Variants in SUCLG2 observed in about 807,000 individuals in gnomAD.
SUCLG2 encodes the protein succinate-CoA ligase GDP-forming subunit beta.
Under a neutral mutation model 47.9 loss-of-function variants are expected in SUCLG2, and 42 were observed. The ratio of observed to expected loss-of-function variants is 0.88; its 90% confidence interval spans 0.69 to 1.14. SUCLG2 has a LOEUF of 1.14. Ranked by LOEUF, SUCLG2 falls within the 50% of genes most tolerant of loss-of-function variation. The pLI is 0.00. For synonymous variants in SUCLG2, 195 were observed against 197.3 expected (o/e 0.99, Z 0.10); for missense variants, 571 against 525.9 (o/e 1.09, Z -0.84).
chr3:67,419,967 C>A (rs564023306), intron 9 of SUCLG2, among the ~76,000 whole-genome samples: 2 of 152,108 alleles, frequency 1.3e-5, no homozygotes, highest in Non-Finnish European at 1.5e-5. Flanking sequence ...GCAAGGAAGG[C>A]AGGGATGGTT....
At chr3:67,539,170 A>T (rs1287708510) in intron 2 of SUCLG2, among the ~76,000 whole-genome samples, 1 of 152,200 alleles carries the variant, frequency 6.6e-6, no homozygotes, top group Non-Finnish European at 1.5e-5. Flanking sequence ...GCTTTTGCCC[A>T]TTCAATATGA....
intron 9 of SUCLG2, among the ~76,000 whole-genome samples, chr3:67,462,028 T>C (rs1704349783): frequency 1.3e-5 from 2 of 152,108 alleles, no homozygotes; most frequent in Admixed American, 1.3e-4. Context: ...GAAATGGGGA[T>C]TGTGGTATTA....
chr3:67,422,557 A>AGATGTG (rs1472866614), intron 9 of SUCLG2, among the ~76,000 whole-genome samples: 6 of 147,752 alleles, frequency 4.1e-5, no homozygotes, highest in Non-Finnish European at 8.9e-5. Context: ...AACTGTGTTG[A>AGATGTG]GATGTGGAGA....
intron 9 of SUCLG2, among the ~76,000 whole-genome samples, chr3:67,434,223 A>G (rs1436006228): frequency 2.6e-5 from 4 of 152,204 alleles, no homozygotes; most frequent in African/African-American, 4.8e-5. Flanking sequence ...TGCTGCTAAA[A>G]TAAGTTCAAT....
At chr3:67,382,816 GT>G (rs368413933) in intron 10 of SUCLG2, among the ~76,000 whole-genome samples, 424 of 152,210 alleles carry the variant, frequency 2.8e-3, no homozygotes, top group African/African-American at 9.6e-3. Flanking sequence ...AAGTAACTGA[GT>G]TTTTTTCTCC....
In SUCLG2 at chr3:67,498,216, T is replaced by C. The variant is rs375502051; in HGVS notation, c.837A>G (p.Lys279=). The C allele has an allele frequency of 2.1e-5, 34 of 1,613,924 alleles. No individual in the cohort carries two copies. The African/African-American group carries it at 3.5e-4, about 16-fold the overall frequency. The change falls in exon 8 of 11, where the codon AAA becomes AAG. Residue 279 remains lysine (K), a synonymous_variant. Transcript: ENST00000307227. ...CATTTTCAATGGGCTCATTCTCTGATTTGTCGTCCATAGCAAATATGTCTT... is the reference window on the plus strand; with the variant it reads ...CATTTTCAATGGGCTCATTCTCTGACTTGTCGTCCATAGCAAATATGTCTT... ...RQKDIFAMDD[K]SENEPIENEA...
intron 2 of SUCLG2, among the ~76,000 whole-genome samples, chr3:67,541,991 C>T (rs1575765565): frequency 2.0e-5 from 3 of 152,138 alleles, no homozygotes; most frequent in Admixed American, 2.0e-4. Flanking sequence ...GCCTCAGCCT[C>T]CCAAGTAGCT....
At chr3:67,434,616 C>G (rs1703570909) in intron 9 of SUCLG2, among the ~76,000 whole-genome samples, 1 of 152,164 alleles carries the variant, frequency 6.6e-6, no homozygotes, top group South Asian at 2.1e-4. Context: ...AAAATTATTT[C>G]TCAACACTTA....
chr3:67,599,719 C>CA (rs11341706), intron 2 of SUCLG2, among the ~76,000 whole-genome samples: 3,251 of 120,520 alleles, frequency 0.027, 85 homozygotes, highest in African/African-American at 0.072. Flanking sequence ...AGCCTGAAGA[C>CA]AAAAAAAAAA....
intron 6 of SUCLG2, among the ~76,000 whole-genome samples, chr3:67,510,674 A>T (rs1705762658): frequency 6.6e-6 from 1 of 152,200 alleles, no homozygotes; most frequent in Non-Finnish European, 1.5e-5. Context: ...TGACTAAATA[A>T]TATCTTACTG....
chr3:67,360,792 T>G (rs558068676), intron 10 of SUCLG2: 1 of 1,495,792 alleles, frequency 6.7e-7, no homozygotes, highest in East Asian at 2.5e-5. Context: ...GAGATTCTTG[T>G]AATGAGTTTT....
intron 9 of SUCLG2, among the ~76,000 whole-genome samples, chr3:67,430,785 A>G (rs1238747490): frequency 6.6e-6 from 1 of 152,238 alleles, no homozygotes; most frequent in Non-Finnish European, 1.5e-5. Flanking sequence ...CACCGATCCC[A>G]CAGAAATAAA....
chr3:67,420,403 T>C (rs1184028848), intron 9 of SUCLG2, among the ~76,000 whole-genome samples: 1 of 152,224 alleles, frequency 6.6e-6, no homozygotes, highest in Non-Finnish European at 1.5e-5. Flanking sequence ...AATTTGGCTG[T>C]ATATTGGCAA....
rs201671152 is a variant in SUCLG2, at chr3:67,394,566, G to A, written c.1183+6165C>T. Among the ~76,000 whole-genome samples, 58 of 150,620 alleles carry A rather than the reference G, an allele frequency of 3.9e-4. 1 individual carries two copies. In the East Asian group the frequency reaches 4.3e-3, roughly 11 times the overall value. Reference sequence around the variant, plus strand: ...TCTCATTGGTGTACCTGAAAGTGACGGGGAGAATGGAACTAAGTTGGAAAA... The same window carrying A: ...TCTCATTGGTGTACCTGAAAGTGACAGGGAGAATGGAACTAAGTTGGAAAA... On this transcript the variant is annotated intron_variant, in intron 10 of 10. Transcript: ENST00000307227.
chr3:67,383,741 A>G (rs1215616772), intron 10 of SUCLG2, among the ~76,000 whole-genome samples: 4 of 152,182 alleles, frequency 2.6e-5, no homozygotes. Flanking sequence ...TATGCTTTCA[A>G]TTACGTTAAC....
At chr3:67,630,983 A>G (rs1700914815) in intron 1 of SUCLG2, among the ~76,000 whole-genome samples, 1 of 152,214 alleles carries the variant, frequency 6.6e-6, no homozygotes, top group Admixed American at 6.5e-5. Flanking sequence ...CCTTTAAGAA[A>G]AAGTTTGCAG....
chr3:67,365,919 T>A (rs1376024443), intron 10 of SUCLG2, among the ~76,000 whole-genome samples: 1 of 152,140 alleles, frequency 6.6e-6, no homozygotes, highest in Non-Finnish European at 1.5e-5. Context: ...CATGAATCAA[T>A]CCCCTTAAAG....
At chr3:67,637,221 AGG>A (rs1304222753) in intron 1 of SUCLG2, among the ~76,000 whole-genome samples, 1 of 152,208 alleles carries the variant, frequency 6.6e-6, no homozygotes, top group African/African-American at 2.4e-5. Flanking sequence ...GAAATTAAAA[AGG>A]GATATCAGAC....
At chr3:67,522,546 G>A (rs1018528490) in intron 4 of SUCLG2, among the ~76,000 whole-genome samples, 1 of 151,798 alleles carries the variant, frequency 6.6e-6, no homozygotes, top group African/African-American at 2.4e-5. Context: ...TCCAACTTAC[G>A]CACCTAACAA....
Sources: gnomAD v4.1 joint callset for allele counts (sites outside exome capture counted in the v4.1 genomes callset) on GRCh38, gnomAD v4.1.1 for gene constraint, MANE v1.5 for transcripts, NCBI Gene and HGNC (gene_info 2026-07-23, HGNC 2026-07-21) for gene names.